Variants in PDZRN3 observed in about 807,000 individuals in gnomAD.
PDZRN3 encodes the protein E3 ubiquitin-protein ligase PDZRN3.
Under a neutral mutation model 85.7 loss-of-function variants are expected in PDZRN3, and 38 were observed. The ratio of observed to expected loss-of-function variants is 0.44; its 90% CI spans 0.34 to 0.58. PDZRN3 has a LOEUF of 0.58. Ranked by LOEUF, PDZRN3 falls within the 20% of genes least tolerant of loss-of-function variation. The pLI is 0.01. For synonymous variants in PDZRN3, 759 were observed against 638.0 expected, an observed-to-expected ratio of 1.19 and a Z score of -2.86; for missense variants, 1,629 against 1,506.4, an observed-to-expected ratio of 1.08 and a Z score of -1.35.
chr3:73,541,996 C>T (rs532691968), intron 3 of PDZRN3, among the ~76,000 whole-genome samples: 8 of 152,100 alleles, frequency 5.3e-5, no homozygotes, highest in African/African-American at 1.2e-4. Flanking sequence ...TTCTAGACCC[C>T]GAGCTACTGA....
chr3:73,416,875 G>GTTTTTT (rs1491373717), intron 3 of PDZRN3, among the ~76,000 whole-genome samples: 11 of 40,750 alleles, frequency 2.7e-4, no homozygotes, highest in African/African-American at 4.4e-4. Flanking sequence ...GTTTTTTTTT[G>GTTTTTT]GTTTTTTTTT....
chr3:73,536,898 T>C (rs1418936059), intron 3 of PDZRN3, among the ~76,000 whole-genome samples: 1 of 152,158 alleles, frequency 6.6e-6, no homozygotes, highest in Non-Finnish European at 1.5e-5. Flanking sequence ...TTCTCCTGTA[T>C]TGCAAGAGTT....
At chr3:73,616,050 T>C (rs1360271009) in intron 1 of PDZRN3, among the ~76,000 whole-genome samples, 1 of 152,176 alleles carries the variant, frequency 6.6e-6, no homozygotes, top group Non-Finnish European at 1.5e-5. Context: ...TCTGCTCTAT[T>C]AGTTCTTGCA....
rs750336789 is a variant in PDZRN3, at chr3:73,433,924, G to A, written c.919-29529C>T. ...CCTCGCAGCATGCATGCATGCACGC[G>A]CGTGCACACACACACACATACACAC... On this transcript the variant is annotated intron_variant, in intron 3 of 9. Transcript: ENST00000263666. The A allele has an allele frequency of 5.8e-4, 829 of 1,418,212 alleles. 1 individual carries two copies. Among genetic ancestry groups the A allele is most frequent in the Non-Finnish European group, 7.0e-4 (764 of 1,089,450 alleles). The allele number at this position is 1,418,212 out of a possible 1,614,324, so 87.9% of individuals were successfully genotyped here.
At chr3:73,611,992 C>T (rs996417682) in intron 1 of PDZRN3, among the ~76,000 whole-genome samples, 4 of 152,080 alleles carry the variant, frequency 2.6e-5, no homozygotes, top group African/African-American at 7.2e-5. Flanking sequence ...GCTGCTTTCC[C>T]GACTGTTCAC....
chr3:73,545,432 T>C (rs1184583736), intron 3 of PDZRN3, among the ~76,000 whole-genome samples: 1 of 152,184 alleles, frequency 6.6e-6, no homozygotes, highest in African/African-American at 2.4e-5. Flanking sequence ...TCTACAACTT[T>C]AGCTACGTAA....
At chr3:73,399,274 A>G (rs1575622579) in intron 5 of PDZRN3, among the ~76,000 whole-genome samples, 1 of 152,172 alleles carries the variant, frequency 6.6e-6, no homozygotes, top group Admixed American at 6.5e-5. Flanking sequence ...CATCATCAAA[A>G]AGCAGTGTCG....
Position 73,388,930 on chromosome 3 carries a change from CAAAAAAAAAAAA to C in PDZRN3, c.1417-873_1417-862del, listed in dbSNP as rs10675308. ...AAGGTTAATGGAAAACTCCAGCAAT[CAAAAAAAAAAAA>C]AAAAAAAAAAAAAAGAGGCAGTATG... On this transcript the variant is annotated intron_variant, in intron 7 of 9. Transcript: ENST00000263666. Among the ~76,000 whole-genome samples, 446 of 67,686 alleles carry C rather than the reference CAAAAAAAAAAAA, an allele frequency of 6.6e-3. 5 individuals are homozygous for C. Among genetic ancestry groups the C allele is most frequent in the African/African-American group, 0.021 (390 of 18,902 alleles). 44.4% of individuals were successfully genotyped at this position (67,686 alleles called of 152,430 possible). A position where few individuals can be genotyped will look rare whatever the true frequency, so the allele number is the denominator to read the frequency against.
In PDZRN3 at chr3:73,540,780, G is replaced by A. The variant is rs1198492731; in HGVS notation, c.918+61574C>T. ...TATCCATTCTTGGGCAGTTCTTTAT[G>A]GCAGCATGAGAACAGACTAACACAA... On this transcript the variant is annotated intron_variant, in intron 3 of 9. Coordinates refer to ENST00000263666, the MANE Select transcript of PDZRN3 (RefSeq NM_015009.3). Among the ~76,000 whole-genome samples the A allele has an allele frequency of 3.3e-5, 5 of 152,200 alleles. No homozygotes were observed. The East Asian group carries it at 9.6e-4, about 29-fold the overall frequency.
chr3:73,468,909 A>G (rs533694795), intron 3 of PDZRN3, among the ~76,000 whole-genome samples: 1 of 152,276 alleles, frequency 6.6e-6, no homozygotes, highest in East Asian at 1.9e-4. Flanking sequence ...CAAAGGAGCT[A>G]CTATGAGAAT....
At chr3:73,419,478 G>A (rs992584921) in intron 3 of PDZRN3, among the ~76,000 whole-genome samples, 7 of 152,154 alleles carry the variant, frequency 4.6e-5, no homozygotes, top group African/African-American at 1.7e-4. Context: ...GCAAAAATAC[G>A]GATCCCCTGC....
intron 3 of PDZRN3, among the ~76,000 whole-genome samples, chr3:73,497,890 C>G (rs1479041020): frequency 6.6e-6 from 1 of 150,908 alleles, no homozygotes; most frequent in Non-Finnish European, 1.5e-5. Context: ...CCCACAAGAA[C>G]CCCCCACCAC....
At chr3:73,441,636 T>C (rs372825792) in intron 3 of PDZRN3, among the ~76,000 whole-genome samples, 27 of 152,154 alleles carry the variant, frequency 1.8e-4, no homozygotes, top group African/African-American at 6.5e-4. Flanking sequence ...CAGAGTAATT[T>C]GCCCAAGAGC....
Position 73,481,231 on chromosome 3 carries a change from G to GCCTC in PDZRN3, c.919-76837_919-76836insGAGG, listed in dbSNP as rs1443214152. ...CACAGCAGAGGGTAAATGGGTCACA[G>GCCTC]TGCTCAGCCAGGAGTTTATCACTTC... is the stretch of plus-strand genomic sequence containing the variant. On this transcript the variant is annotated intron_variant, in intron 3 of 9. Coordinates refer to ENST00000263666, the MANE Select transcript of PDZRN3 (RefSeq NM_015009.3). Among the ~76,000 whole-genome samples, 1,170 of 152,332 alleles carry GCCTC rather than the reference G, an allele frequency of 7.7e-3. 17 individuals are homozygous for GCCTC. The highest frequency in any genetic ancestry group is 0.027 in the African/African-American group (1,113 of 41,568).
chr3:73,596,081 C>T (rs969448289), intron 3 of PDZRN3, among the ~76,000 whole-genome samples: 12 of 151,850 alleles, frequency 7.9e-5, no homozygotes, highest in African/African-American at 2.9e-4. Flanking sequence ...TATCTTGTGC[C>T]AGGAAGTAGG....
At chr3:73,443,936 T>C (rs1410336033) in intron 3 of PDZRN3, among the ~76,000 whole-genome samples, 1 of 152,184 alleles carries the variant, frequency 6.6e-6, no homozygotes, top group Non-Finnish European at 1.5e-5. Flanking sequence ...AATTTCAAAA[T>C]TAAAAAGGGC....
rs1559740000 is a variant in PDZRN3 at position 73,563,184 on chromosome 3, A to G, written c.918+39170T>C. On this transcript the variant is annotated intron_variant, in intron 3 of 9. Coordinates refer to ENST00000263666, the MANE Select transcript of PDZRN3 (RefSeq NM_015009.3). The stretch of plus-strand genomic sequence containing the variant: ...CAGGTGCCCGCCACCACGCCCGGCT[A>G]TTTTTTTTTTGTTGTTGTTGTTTTG... Among the ~76,000 whole-genome samples, 3 of 147,614 alleles carry G rather than the reference A, an allele frequency of 2.0e-5. No homozygotes were observed. The East Asian group carries it at 6.0e-4, about 30-fold the overall frequency.
chr3:73,527,499 TATG>T (rs1443736470), intron 3 of PDZRN3, among the ~76,000 whole-genome samples: 1 of 152,204 alleles, frequency 6.6e-6, no homozygotes, highest in Non-Finnish European at 1.5e-5. Context: ...TAATTTCTCT[TATG>T]ATAAAATATG....
At chr3:73,558,129 T>C (rs1701740156) in intron 3 of PDZRN3, among the ~76,000 whole-genome samples, 1 of 151,662 alleles carries the variant, frequency 6.6e-6, no homozygotes, top group African/African-American at 2.4e-5. Context: ...TTGCCAAAAA[T>C]AGCCCTCTGT....
Sources: allele counts gnomAD v4.1 joint callset (sites outside exome capture counted in the v4.1 genomes callset), GRCh38; gene constraint gnomAD v4.1.1; transcripts MANE v1.5; gene names NCBI Gene and HGNC (gene_info 2026-07-23, HGNC 2026-07-21).